ADAM23: variants seen among roughly 807,000 people sequenced by gnomAD.
ADAM23 encodes the protein ADAM metallopeptidase domain 23.
A neutral mutation model predicts 120.1 loss-of-function variants in ADAM23; 33 were observed. That is an observed-to-expected ratio of 0.27 (90% confidence interval 0.21 to 0.37). The LOEUF (loss-of-function observed/expected upper bound fraction) is 0.37. Ranked by LOEUF, ADAM23 falls within the 10% of genes least tolerant of loss-of-function variation. The probability of loss-of-function intolerance (pLI) is 1.00; values close to 1 mark genes in which losing one functional copy is unlikely to be tolerated. For synonymous variants in ADAM23, 367 were observed against 375.2 expected (o/e 0.98, Z 0.25); for missense variants, 862 against 1,058.2 (o/e 0.81, Z 2.57).
chr2:206,612,148 G>T (rs1333122675), intron 25 of ADAM23, among the ~76,000 whole-genome samples: 1 of 152,124 alleles, frequency 6.6e-6, no homozygotes, highest in Non-Finnish European at 1.5e-5. Flanking sequence ...GCTACTCCTG[G>T]GTGACTGTTG....
chr2:206,547,564 T>G, intron 7 of ADAM23, 63 bp downstream of exon 7: 1 of 1,370,332 alleles, frequency 7.3e-7, no homozygotes, highest in South Asian at 1.3e-5. Context: ...CTGGTGGAGC[T>G]CAGTAGATAT....
At chr2:206,490,141 T>A (rs972499439) in intron 3 of ADAM23, among the ~76,000 whole-genome samples, 12 of 152,128 alleles carry the variant, frequency 7.9e-5, no homozygotes, top group Non-Finnish European at 1.6e-4. Flanking sequence ...GACACTAGTG[T>A]GTTGGAGGAA....
chr2:206,608,516 T>C (rs1698770711), intron 24 of ADAM23, among the ~76,000 whole-genome samples: 1 of 152,144 alleles, frequency 6.6e-6, no homozygotes, highest in South Asian at 2.1e-4. Flanking sequence ...GTCCAGCACA[T>C]AGTAAGTGCA....
At chr2:206,496,880 G>A (rs1193253711) in intron 3 of ADAM23, among the ~76,000 whole-genome samples, 6 of 152,104 alleles carry the variant, frequency 3.9e-5, no homozygotes, top group Admixed American at 1.3e-4. Context: ...ACACCTCTAC[G>A]CAAATAAACT....
chr2:206,492,247 T>C (rs1696149989), intron 3 of ADAM23, among the ~76,000 whole-genome samples: 1 of 152,172 alleles, frequency 6.6e-6, no homozygotes, highest in Non-Finnish European at 1.5e-5. Flanking sequence ...ATGTCTCAAC[T>C]CAGGCCTAAA....
chr2:206,453,608 T>A (rs1167310082), intron 2 of ADAM23, among the ~76,000 whole-genome samples: 1 of 152,224 alleles, frequency 6.6e-6, no homozygotes, highest in East Asian at 1.9e-4. Context: ...TCAGTATGAT[T>A]TTAATTAAAT....
rs2105842819 is a variant in ADAM23, at chr2:206,443,675, A to G, written c.-192A>G. The G allele has an allele frequency of 1.3e-5, 2 of 156,996 alleles. No individual in the cohort carries two copies. The highest frequency in any genetic ancestry group is 4.9e-5 in the African/African-American group (2 of 41,082). 9.7% of individuals were successfully genotyped at this position (156,996 alleles called of 1,614,324 possible). On this transcript the variant is annotated 5_prime_UTR_variant, in exon 1 of 26. Coordinates refer to ENST00000264377, the MANE Select transcript of ADAM23 (RefSeq NM_003812.4). ...GCGTCCCGCCCCGGGAGTGGCTGCG[A>G]GGCTAGGCGAGCCGGGAAAGGGGGC...
chr2:206,474,081 A>G (rs1695724279), intron 2 of ADAM23, among the ~76,000 whole-genome samples: 1 of 152,032 alleles, frequency 6.6e-6, no homozygotes. Context: ...CTGCTCTAGT[A>G]TCTTACATAA....
At chr2:206,530,995 C>A in intron 4 of ADAM23, 47 bp downstream of exon 4, 1 of 1,533,806 alleles carries the variant, frequency 6.5e-7, no homozygotes, top group Non-Finnish European at 9.0e-7. Flanking sequence ...GTGTGCTTAT[C>A]ATAGAGTTGA....
chr2:206,614,837 T>C (rs1698904189), intron 25 of ADAM23, among the ~76,000 whole-genome samples: 1 of 152,312 alleles, frequency 6.6e-6, no homozygotes. Flanking sequence ...AGACTGCTGT[T>C]TTTTTGAATT....
At chr2:206,474,837 A>G (rs1695742905) in intron 2 of ADAM23, among the ~76,000 whole-genome samples, 1 of 152,176 alleles carries the variant, frequency 6.6e-6, no homozygotes, top group African/African-American at 2.4e-5. Flanking sequence ...AGCCTCTCAA[A>G]GTGTTGGGAT....
chr2:206,458,564 G>A (rs1366356489), intron 2 of ADAM23, among the ~76,000 whole-genome samples: 1 of 152,186 alleles, frequency 6.6e-6, no homozygotes. Context: ...GTGTAAAGAA[G>A]TTTTCCATAA....
At chr2:206,594,004 G>A (rs1210099627) in intron 22 of ADAM23, among the ~76,000 whole-genome samples, 2 of 151,416 alleles carry the variant, frequency 1.3e-5, no homozygotes, top group East Asian at 4.0e-4. Context: ...CGTTTAGATA[G>A]GCAAGTACTT....
intron 10 of ADAM23, among the ~76,000 whole-genome samples, chr2:206,558,921 TTTTGTTTGTTTGTTTG>T (rs71409830): frequency 7.4e-6 from 1 of 134,800 alleles, no homozygotes; most frequent in African/African-American, 3.4e-5. Flanking sequence ...ATCCATTGGT[TTTTGTTTGTTTGTTTG>T]TTTGTTTGTT....
chr2:206,577,328 T>G (rs1199068269), intron 18 of ADAM23, among the ~76,000 whole-genome samples: 10 of 149,678 alleles, frequency 6.7e-5, no homozygotes, highest in African/African-American at 2.2e-4. Flanking sequence ...TAGTTACATA[T>G]GTATACATGT....
intron 3 of ADAM23, among the ~76,000 whole-genome samples, chr2:206,522,031 CTT>C (rs886600058): frequency 6.6e-6 from 1 of 151,774 alleles, no homozygotes; most frequent in Non-Finnish European, 1.5e-5. Context: ...ATGAATATTT[CTT>C]GTTTTCTTTT....
intron 2 of ADAM23, among the ~76,000 whole-genome samples, chr2:206,449,099 G>A (rs1401459740): frequency 6.6e-6 from 1 of 152,164 alleles, no homozygotes; most frequent in Non-Finnish European, 1.5e-5. Context: ...AGGACATCGA[G>A]GTGGTATGTG....
chr2:206,568,034 C>A (rs2105828228), intron 15 of ADAM23, among the ~76,000 whole-genome samples: 1 of 152,260 alleles, frequency 6.6e-6, no homozygotes, highest in Non-Finnish European at 1.5e-5. Context: ...TAGGTCCCTC[C>A]CTCAACAGTG....
intron 12 of ADAM23, among the ~76,000 whole-genome samples, chr2:206,561,821 A>C (rs1428876735): frequency 6.6e-6 from 1 of 152,214 alleles, no homozygotes; most frequent in Admixed American, 6.5e-5. Flanking sequence ...ATAGCCTACA[A>C]TTAGCCTGGA....
Sources: gnomAD v4.1 joint callset for allele counts (sites outside exome capture counted in the v4.1 genomes callset) on GRCh38, gnomAD v4.1.1 for gene constraint, MANE v1.5 for transcripts, NCBI Gene and HGNC (gene_info 2026-07-23, HGNC 2026-07-21) for gene names.